CHST12: variants seen among roughly 807,000 people sequenced by gnomAD.
The protein encoded by CHST12 is carbohydrate (chondroitin 4) sulfotransferase 12.
Under a neutral mutation model 27.9 loss-of-function variants are expected in CHST12, and 23 were observed. The observed-to-expected ratio is 0.82, with a 90% CI of 0.59 to 1.17. CHST12 has a LOEUF of 1.17. Ranked by LOEUF, CHST12 falls within the 50% of genes most tolerant of loss-of-function variation. CHST12 has a pLI of 0.00. For missense variants in CHST12, 682 were observed against 603.0 expected, an observed-to-expected ratio of 1.13 and a Z score of -1.37; for synonymous variants, 322 against 273.0, an observed-to-expected ratio of 1.18 and a Z score of -1.77.
rs1207181517 is a variant in CHST12, at chr7:2,432,631, C to CG, written c.-5dup. The stretch of plus-strand genomic sequence containing the variant: ...AGGCCCGGAGAGGGCCCAGCCCGCC[C>CG]GGGGCAGGATGACCAAGGCCCGGCT... On this transcript the variant is annotated 5_prime_UTR_variant, in exon 2 of 2. Coordinates refer to ENST00000618655, the MANE Select transcript of CHST12 (RefSeq NM_018641.5). 4.4e-6 allele frequency: 7 copies of CG among 1,600,778 alleles called. No individual in the cohort carries two copies. Among genetic ancestry groups the CG allele is most frequent in the Admixed American group, 1.7e-5 (1 of 59,506 alleles).
chr7:2,419,877 C>A lies in CHST12; in HGVS notation c.-77-12686C>A, dbSNP rs561221696. On this transcript the variant is annotated intron_variant, in intron 1 of 1. Coordinates refer to ENST00000618655, the MANE Select transcript of CHST12 (RefSeq NM_018641.5). ...ATTGAACACAAACTCCCATCCCCCT[C>A]CCCTGCCCCCACAACCACCATTCTA... 2.3e-3 allele frequency among the ~76,000 whole-genome samples: 354 copies of A among 151,958 alleles called. 3 individuals carry two copies. The highest frequency in any genetic ancestry group is 8.1e-3 in the African/African-American group (335 of 41,434).
Position 2,433,349 on chromosome 7 carries a change from A to T in CHST12, c.710A>T (p.Lys237Met). The T allele has an allele frequency of 1.9e-6, 3 of 1,612,336 alleles. No individual in the cohort carries two copies. Among genetic ancestry groups the T allele is most frequent in the Middle Eastern group, 1.6e-4 (1 of 6,062 alleles). Reference protein sequence around the residue: ...SRHLMKVKLKKYTKFLFVRDP... With the variant: ...SRHLMKVKLKMYTKFLFVRDP... ...CACCTCATGAAGGTCAAGCTCAAGA[A>T]GTACACCAAGTTCCTCTTCGTGCGC... is the stretch of plus-strand genomic sequence containing the variant. Residue 237 changes from lysine (K) to methionine (M), a missense_variant, in exon 2 of 2, where the codon AAG (lysine) becomes ATG (methionine). Coordinates refer to ENST00000618655, the MANE Select transcript of CHST12 (RefSeq NM_018641.5). This position sits in a 1 kb window ranked among gnomAD's most constrained non-coding sequence, Gnocchi z 6.1.
chr7:2,433,272 C>G lies in CHST12; in HGVS notation c.633C>G (p.Ser211Arg), dbSNP rs146540649. 1.2e-6 allele frequency: 2 copies of G among 1,611,850 alleles called. No individual in the cohort carries two copies. Among genetic ancestry groups the G allele is most frequent in the Non-Finnish European group, 1.7e-6 (2 of 1,178,804 alleles). Reference protein sequence around the residue: ...RIPREHVHNASAHLTFNKFWR... With the variant: ...RIPREHVHNARAHLTFNKFWR... ...CGCGCGAGCACGTGCACAACGCCAG[C>G]GCGCACCTGACCTTCAACAAGTTCT... Residue 211 changes from serine (S) to arginine (R), a missense_variant, in exon 2 of 2, where the codon AGC (serine) becomes AGG (arginine). Physicochemically the swap from Ser to Arg is moderately radical, Grantham distance 110 (BLOSUM62 -1). Transcript: ENST00000618655. This position sits in a 1 kb window ranked among gnomAD's most constrained non-coding sequence, Gnocchi z 6.1.
chr7:2,440,775 A>AT lies in CHST12; in HGVS notation c.*6892dup, dbSNP rs1293796068. 6.6e-6 allele frequency: 1 copy of AT among 152,164 alleles called. No homozygotes were observed. The highest frequency in any genetic ancestry group is 2.4e-5 in the African/African-American group (1 of 41,446). The allele number at this position is 152,164 out of a possible 1,614,324, so 9.4% of individuals were successfully genotyped here. A position where few individuals can be genotyped will look rare whatever the true frequency, so the allele number is the denominator to read the frequency against. ...GGTAGAATAAGCTGTTTGAACAAAG[A>AT]TCTGGAGGTTGCACAATCCTGTGTC... On this transcript the variant is annotated 3_prime_UTR_variant, in exon 2 of 2. Transcript: ENST00000618655.
intron 1 of CHST12, among the ~76,000 whole-genome samples, chr7:2,432,331 C>T (rs1782293501): frequency 6.6e-6 from 1 of 151,954 alleles, no homozygotes. Context: ...GTACTGCCAG[C>T]CAGGGAAGCA....
chr7:2,429,760 ATTTG>A (rs755893763), intron 1 of CHST12, among the ~76,000 whole-genome samples: 7 of 151,466 alleles, frequency 4.6e-5, no homozygotes, highest in Non-Finnish European at 8.8e-5. Context: ...GGTTTTTTTC[ATTTG>A]TTTGGTTGGT....
intron 1 of CHST12, among the ~76,000 whole-genome samples, chr7:2,411,078 T>C (rs948028279): frequency 6.6e-6 from 1 of 152,050 alleles, no homozygotes; most frequent in African/African-American, 2.4e-5. Context: ...ATTTATTTAT[T>C]TATTTTTAAA....
intron 1 of CHST12, among the ~76,000 whole-genome samples, chr7:2,422,434 G>A (rs1054586387): frequency 4.6e-5 from 7 of 151,678 alleles, no homozygotes; most frequent in African/African-American, 9.7e-5. Flanking sequence ...AGTAGAGACA[G>A]GGTTTCTCCG....
Position 2,434,099 on chromosome 7 carries a change from C to A in CHST12, c.*215C>A. ...TGCTGGAGTAAAATATCCCCTCTCC[C>A]CTCCGCCCGCCCACCCGCCCGCCCG... On this transcript the variant is annotated 3_prime_UTR_variant, in exon 2 of 2. Transcript: ENST00000618655. 2.4e-6 allele frequency: 1 copy of A among 424,732 alleles called. No homozygotes were observed. The highest frequency in any genetic ancestry group is 4.2e-6 in the Non-Finnish European group (1 of 235,534). 26.3% of individuals were successfully genotyped at this position (424,732 alleles called of 1,614,324 possible).
chr7:2,426,323 G>GACTGC (rs1782116255), intron 1 of CHST12, among the ~76,000 whole-genome samples: 1 of 152,178 alleles, frequency 6.6e-6, no homozygotes, highest in African/African-American at 2.4e-5. Flanking sequence ...ACTCGGTATT[G>GACTGC]ACTGCACCCT....
At chr7:2,417,975 C>T (rs564146779) in intron 1 of CHST12, among the ~76,000 whole-genome samples, 40 of 152,382 alleles carry the variant, frequency 2.6e-4, no homozygotes, top group African/African-American at 9.6e-4. Context: ...TAATATAGAT[C>T]TGGCCATGTG....
In CHST12 at chr7:2,437,726, AC is replaced by A. The variant is rs1782505676; in HGVS notation, c.*3843del. On this transcript the variant is annotated 3_prime_UTR_variant, in exon 2 of 2. Transcript: ENST00000618655. ...CTTAGGAATCAGAACACACACACAC[AC>A]GCGCGCACACACACACACACACACA... 1.8e-5 allele frequency: 2 copies of A among 112,640 alleles called. No homozygotes were observed. Among genetic ancestry groups the A allele is most frequent in the African/African-American group, 6.2e-5 (2 of 32,122 alleles). The allele number at this position is 112,640 out of a possible 1,614,324, so 7.0% of individuals were successfully genotyped here.
At chr7:2,422,411 A>G (rs1782001166) in intron 1 of CHST12, among the ~76,000 whole-genome samples, 1 of 150,158 alleles carries the variant, frequency 6.7e-6, no homozygotes, top group Non-Finnish European at 1.5e-5. Context: ...TGCCCGGCTT[A>G]TTTTGTATTT....
chr7:2,420,241 G>T (rs1473724970), intron 1 of CHST12, among the ~76,000 whole-genome samples: 1 of 152,076 alleles, frequency 6.6e-6, no homozygotes, highest in Non-Finnish European at 1.5e-5. Flanking sequence ...CCAAAGTGCT[G>T]GGATTACAGG....
Position 2,433,710 on chromosome 7 carries a change from G to T in CHST12, c.1071G>T (p.Gln357His). The change falls in exon 2 of 2, where the codon CAG becomes CAT. Residue 357 changes from glutamine (Q) to histidine (H), a missense_variant. Transcript: ENST00000618655. This position sits in a 1 kb window ranked among gnomAD's most constrained non-coding sequence, Gnocchi z 6.1. ...EDAAQLLQLL[Q>H]VDRQLRFPPS... The stretch of plus-strand genomic sequence containing the variant: ...CCGCGCAGCTGCTGCAGCTACTCCA[G>T]GTGGACCGGCAGCTCCGCTTCCCCC... The T allele has an allele frequency of 6.2e-7, 1 of 1,613,738 alleles. No homozygotes were observed. The highest frequency in any genetic ancestry group is 1.1e-5 in the South Asian group (1 of 91,060).
upstream of CHST12, chr7:2,403,596 T>G (rs1271936366): frequency 1.3e-5 from 2 of 151,356 alleles, no homozygotes; most frequent in African/African-American, 2.5e-5. Context: ...GAGGGCTGCC[T>G]CTGGGGGGTC....
intron 1 of CHST12, among the ~76,000 whole-genome samples, chr7:2,417,461 C>G (rs1471822610): frequency 6.8e-6 from 1 of 147,984 alleles, no homozygotes; most frequent in Non-Finnish European, 1.5e-5. Flanking sequence ...GTGATCTTAG[C>G]TCACTGCAAC....
chr7:2,409,609 A>G (rs2115386076), intron 1 of CHST12, among the ~76,000 whole-genome samples: 1 of 135,700 alleles, frequency 7.4e-6, no homozygotes, highest in Non-Finnish European at 1.6e-5. Context: ...GTGACAGAGC[A>G]AGATCCTGTC....
In CHST12 at chr7:2,433,494, C is replaced by G; in HGVS notation, c.855C>G (p.Pro285=). 1.9e-6 allele frequency: 3 copies of G among 1,611,760 alleles called. No individual in the cohort carries two copies. Among genetic ancestry groups the G allele is most frequent in the Non-Finnish European group, 2.5e-6 (3 of 1,179,876 alleles). The change falls in exon 2 of 2, where the codon CCC becomes CCG. Residue 285 remains proline (P), a synonymous_variant. Coordinates refer to ENST00000618655, the MANE Select transcript of CHST12 (RefSeq NM_018641.5). This position sits in a 1 kb window ranked among gnomAD's most constrained non-coding sequence, Gnocchi z 6.1. The part of the protein sequence containing the change: ...LRLYANHTSL[P]ASAREAFRAG... ...TGTACGCCAACCACACCAGCCTGCCCGCCTCGGCGCGCGAGGCCTTCCGCG... is the reference window on the plus strand; with the variant it reads ...TGTACGCCAACCACACCAGCCTGCCGGCCTCGGCGCGCGAGGCCTTCCGCG...
Sources: allele counts gnomAD v4.1 joint callset (sites outside exome capture counted in the v4.1 genomes callset), GRCh38; gene constraint gnomAD v4.1.1; non-coding constraint Gnocchi (gnomAD v3.1); transcripts MANE v1.5; gene names NCBI Gene and HGNC (gene_info 2026-07-23, HGNC 2026-07-21).